ADAMTSL3: variants seen among roughly 807,000 people sequenced by gnomAD.
ADAMTSL3 encodes ADAMTS like 3.
In ADAMTSL3, 128 loss-of-function variants were observed where a neutral mutation model predicts 201.7. That is an observed-to-expected ratio of 0.63 (90% CI 0.55 to 0.73). The LOEUF (loss-of-function observed/expected upper bound fraction) is 0.73. Among genes scored for constraint, ADAMTSL3 ranks in the 30% least tolerant of loss-of-function variants. ADAMTSL3 has a pLI of 0.00. For missense variants in ADAMTSL3, 1,990 were observed against 2,119.6 expected, an observed-to-expected ratio of 0.94 and a Z score of 1.20; for synonymous variants, 738 against 748.4, an observed-to-expected ratio of 0.99 and a Z score of 0.23.
chr15:84,021,589 G>A lies in ADAMTSL3; in HGVS notation c.4453G>A (p.Ala1485Thr). 6.2e-7 allele frequency: 1 copy of A among 1,613,598 alleles called. No individual in the cohort carries two copies. The highest frequency in any genetic ancestry group is 8.5e-7 in the Non-Finnish European group (1 of 1,179,740). Residue 1485 changes from alanine to threonine, a missense_variant, in exon 26 of 30, where the codon GCG becomes ACG. By Grantham distance (58) the Ala-to-Thr change is moderately conservative. Transcript: ENST00000286744. ...FEPCNIRDCP[A>T]RWFTSVWSQC... is the part of the protein sequence containing the mutation. ...GCCCTGTAACATCCGGGACTGCCCA[G>A]CGAGGTAAGTGAAGTCACTCTTTGT...
chr15:83,758,184 T>C (rs1354042079), intron 3 of ADAMTSL3, among the ~76,000 whole-genome samples: 1 of 152,210 alleles, frequency 6.6e-6, no homozygotes, highest in Non-Finnish European at 1.5e-5. Context: ...GTTTTCATGC[T>C]GCTGATAAAG....
Position 83,698,828 on chromosome 15 carries a change from A to G in ADAMTSL3, c.70-5561A>G, listed in dbSNP as rs1258584661. Among the ~76,000 whole-genome samples the G allele has an allele frequency of 2.0e-5, 3 of 152,144 alleles. 1 individual carries two copies. Among genetic ancestry groups the G allele is most frequent in the African/African-American group, 4.8e-5 (2 of 41,440 alleles). Reference sequence around the variant, plus strand: ...GTTGACTTCCCTGTTGCTAGATCCAAGGGATACTTCTCTGGCCTCATCTTC... The same window carrying G: ...GTTGACTTCCCTGTTGCTAGATCCAGGGGATACTTCTCTGGCCTCATCTTC... On this transcript the variant is annotated intron_variant, in intron 2 of 29. Coordinates refer to ENST00000286744, the MANE Select transcript of ADAMTSL3 (RefSeq NM_207517.3).
chr15:83,822,034 T>C (rs1197088765), intron 6 of ADAMTSL3, among the ~76,000 whole-genome samples: 1 of 138,494 alleles, frequency 7.2e-6, no homozygotes, highest in Non-Finnish European at 1.6e-5. Context: ...ACGGGGTGGC[T>C]GGCCGGGCAG....
intron 3 of ADAMTSL3, among the ~76,000 whole-genome samples, chr15:83,708,683 G>A (rs2061888917): frequency 6.6e-6 from 1 of 152,136 alleles, no homozygotes; most frequent in Non-Finnish European, 1.5e-5. Context: ...CAAAGTGACT[G>A]GATTTCATGA....
Position 83,943,069 on chromosome 15 carries a change from G to C in ADAMTSL3, c.2477G>C (p.Gly826Ala). The change falls in exon 19 of 30, where the codon GGA (glycine) becomes GCA (alanine). Residue 826 changes from glycine to alanine, a missense_variant. Coordinates refer to ENST00000286744, the MANE Select transcript of ADAMTSL3 (RefSeq NM_207517.3). Reference sequence around the variant, plus strand: ...GACTGTCCTCCACATTTAGCTGTGGGAGACTGGTCGAAGGTAAGGGCCAGG... The same window carrying C: ...GACTGTCCTCCACATTTAGCTGTGGCAGACTGGTCGAAGGTAAGGGCCAGG... ...RTDCPPHLAV[G>A]DWSKCSVSCG... 1.2e-6 allele frequency: 2 copies of C among 1,611,062 alleles called. No homozygotes were observed. Among genetic ancestry groups the C allele is most frequent in the Non-Finnish European group, 1.7e-6 (2 of 1,178,954 alleles).
intron 17 of ADAMTSL3, among the ~76,000 whole-genome samples, chr15:83,934,108 C>T (rs892341595): frequency 6.6e-6 from 1 of 152,130 alleles, no homozygotes; most frequent in Non-Finnish European, 1.5e-5. Flanking sequence ...AATGGTAGAT[C>T]CACTGACAGC....
At chr15:83,771,238 G>C (rs1295106473) in intron 3 of ADAMTSL3, among the ~76,000 whole-genome samples, 1 of 147,916 alleles carries the variant, frequency 6.8e-6, no homozygotes, top group Non-Finnish European at 1.5e-5. Context: ...TCTTAATTGA[G>C]ACAATTTTCC....
intron 21 of ADAMTSL3, 58 bp downstream of exon 21, chr15:83,983,402 A>G: frequency 8.3e-7 from 1 of 1,197,946 alleles, no homozygotes; most frequent in Non-Finnish European, 1.1e-6. Context: ...TGGCTATTCC[A>G]GTTTTCTTGA....
At chr15:83,794,627 C>T (rs183704877) in intron 4 of ADAMTSL3, among the ~76,000 whole-genome samples, 164 of 150,684 alleles carry the variant, frequency 1.1e-3, no homozygotes, top group Non-Finnish European at 2.0e-3. Flanking sequence ...AAATGGAGAA[C>T]AGTAGTTGCT....
At chr15:84,020,633 A>G (rs181809995) in intron 25 of ADAMTSL3, among the ~76,000 whole-genome samples, 5 of 152,370 alleles carry the variant, frequency 3.3e-5, no homozygotes, top group Admixed American at 1.3e-4. Context: ...GCTGGTAGCT[A>G]TTAATTACTT....
chr15:83,867,710 T>G (rs976118771), intron 8 of ADAMTSL3, among the ~76,000 whole-genome samples: 1 of 152,220 alleles, frequency 6.6e-6, no homozygotes, highest in African/African-American at 2.4e-5. Flanking sequence ...TTAGCCATGC[T>G]AAACACTCAT....
chr15:84,019,689 C>A (rs2068160553), intron 25 of ADAMTSL3, among the ~76,000 whole-genome samples: 1 of 151,966 alleles, frequency 6.6e-6, no homozygotes, highest in South Asian at 2.1e-4. Context: ...GTCAGGGGTT[C>A]GAGACCAGCC....
intron 17 of ADAMTSL3, among the ~76,000 whole-genome samples, chr15:83,937,617 A>T (rs75334283): frequency 0.011 from 1,649 of 151,008 alleles, 138 homozygotes; most frequent in African/African-American, 0.039. Flanking sequence ...ATGACATGCA[A>T]TTTACCTATA....
intron 5 of ADAMTSL3, among the ~76,000 whole-genome samples, chr15:83,811,718 G>C (rs137961545): frequency 5.8e-4 from 88 of 152,340 alleles, no homozygotes; most frequent in African/African-American, 2.1e-3. Flanking sequence ...AGGAGGTGGA[G>C]AAGCAAATGC....
intron 3 of ADAMTSL3, among the ~76,000 whole-genome samples, chr15:83,707,571 C>G (rs1039746254): frequency 1.3e-5 from 2 of 152,126 alleles, no homozygotes; most frequent in Non-Finnish European, 2.9e-5. Flanking sequence ...TTCTAGCACC[C>G]TAGGAGGCTC....
intron 16 of ADAMTSL3, among the ~76,000 whole-genome samples, chr15:83,920,693 A>G (rs1034677891): frequency 2.0e-5 from 3 of 152,232 alleles, no homozygotes; most frequent in South Asian, 2.1e-4. Context: ...ATACGTGCCC[A>G]CACTGTATGA....
intron 3 of ADAMTSL3, among the ~76,000 whole-genome samples, chr15:83,716,361 A>G (rs1031007503): frequency 6.6e-6 from 1 of 151,890 alleles, no homozygotes; most frequent in African/African-American, 2.4e-5. Flanking sequence ...ACACACACAC[A>G]CACAAATTAG....
intron 8 of ADAMTSL3, among the ~76,000 whole-genome samples, chr15:83,863,567 GA>G (rs1225128328): frequency 1.3e-5 from 2 of 152,160 alleles, no homozygotes. Context: ...TGAAACCAAT[GA>G]GAACAAAGAC....
chr15:83,718,686 G>A (rs1160639197), intron 3 of ADAMTSL3, among the ~76,000 whole-genome samples: 6 of 131,554 alleles, frequency 4.6e-5, no homozygotes, highest in East Asian at 2.1e-4. Flanking sequence ...GTGAGACTCC[G>A]TCTCAAAAAA....
Sources: allele counts gnomAD v4.1 joint callset (sites outside exome capture counted in the v4.1 genomes callset), GRCh38; gene constraint gnomAD v4.1.1; transcripts MANE v1.5; gene names NCBI Gene and HGNC (gene_info 2026-07-23, HGNC 2026-07-21).